The following NCOA1 variants were observed in gnomAD, a reference collection of about 807,000 sequenced individuals.
The protein encoded by NCOA1 is Hin-2 protein.
NCOA1 carries 35 observed loss-of-function variants against 150.9 expected under a neutral mutation model. That is an observed-to-expected ratio of 0.23 (90% CI 0.18 to 0.31). The LOEUF is 0.31. Ranked by LOEUF, NCOA1 falls within the 10% of genes least tolerant of loss-of-function variation. NCOA1 has a pLI of 1.00. For synonymous variants in NCOA1, 590 were observed against 630.0 expected (o/e 0.94, Z 0.95); for missense variants, 1,491 against 1,749.3 (o/e 0.85, Z 2.63).
chr2:24,721,314 T>A (rs908503554), intron 14 of NCOA1, among the ~76,000 whole-genome samples: 3 of 152,250 alleles, frequency 2.0e-5, no homozygotes, highest in African/African-American at 7.2e-5. Flanking sequence ...CTAACTCTTT[T>A]TTCTTCAACA....
At chr2:24,675,185 T>C (rs922728019) in intron 7 of NCOA1, among the ~76,000 whole-genome samples, 1 of 152,246 alleles carries the variant, frequency 6.6e-6, no homozygotes, top group Non-Finnish European at 1.5e-5. Context: ...ATATAACATA[T>C]ACACATATAT....
chr2:24,641,832 T>G (rs1272046429), intron 3 of NCOA1, among the ~76,000 whole-genome samples: 1 of 152,128 alleles, frequency 6.6e-6, no homozygotes, highest in Non-Finnish European at 1.5e-5. Flanking sequence ...TTGCCAGAGT[T>G]GGTTTCTCTA....
At chr2:24,765,013 C>G (rs1664976597) in intron 22 of NCOA1, among the ~76,000 whole-genome samples, 1 of 151,968 alleles carries the variant, frequency 6.6e-6, no homozygotes, top group African/African-American at 2.4e-5. Context: ...GAAACCCTGC[C>G]TAAAAATACA....
intron 3 of NCOA1, among the ~76,000 whole-genome samples, chr2:24,625,330 A>G (rs1424078023): frequency 7.1e-6 from 1 of 140,118 alleles, no homozygotes; most frequent in East Asian, 2.2e-4. Context: ...TGCACACTGT[A>G]CTCCAGCCTG....
intron 6 of NCOA1, 111 bp from the exon 7 acceptor site, chr2:24,673,255 A>C: frequency 1.6e-6 from 1 of 639,040 alleles, no homozygotes; most frequent in Non-Finnish European, 2.6e-6. Context: ...CTAGATACTG[A>C]CTAAATGTTA....
intron 8 of NCOA1, among the ~76,000 whole-genome samples, chr2:24,687,026 G>A (rs898939120): frequency 2.0e-5 from 3 of 151,744 alleles, no homozygotes; most frequent in South Asian, 2.1e-4. Flanking sequence ...TCAAGGAAGC[G>A]CCTTTCTCCT....
chr2:24,546,216 A>G (rs927289739), intron 1 of NCOA1, among the ~76,000 whole-genome samples: 1 of 152,202 alleles, frequency 6.6e-6, no homozygotes, highest in African/African-American at 2.4e-5. Context: ...TAAAAAAAAA[A>G]AAAAGCTCAC....
chr2:24,599,189 G>A (rs1318446339), intron 3 of NCOA1, among the ~76,000 whole-genome samples: 1 of 152,074 alleles, frequency 6.6e-6, no homozygotes, highest in Non-Finnish European at 1.5e-5. Context: ...ACCAAGATGG[G>A]CAAGTGGAAT....
At chr2:24,715,675 G>C (rs1673996544) in intron 14 of NCOA1, among the ~76,000 whole-genome samples, 1 of 152,114 alleles carries the variant, frequency 6.6e-6, no homozygotes, top group Non-Finnish European at 1.5e-5. Context: ...ATAAATTTTA[G>C]ATGGAATAAC....
Position 24,682,940 on chromosome 2 carries a change from T to C in NCOA1, c.355-11T>C. Reference sequence around the variant, plus strand: ...CAACCTCCAAACCATTTTTTTCTTTTGGTTTTGCAGGCTTTGGATGGATTT... The same window carrying C: ...CAACCTCCAAACCATTTTTTTCTTTCGGTTTTGCAGGCTTTGGATGGATTT... On this transcript the variant is annotated splice_polypyrimidine_tract_variant and intron_variant, in intron 7 of 22. Transcript: ENST00000348332. 6.3e-7 allele frequency: 1 copy of C among 1,575,572 alleles called. No individual in the cohort carries two copies. The highest frequency in any genetic ancestry group is 1.2e-5 in the South Asian group (1 of 83,054).
chr2:24,503,977 C>A (rs113963780), intron 1 of NCOA1, among the ~76,000 whole-genome samples: 1 of 152,042 alleles, frequency 6.6e-6, no homozygotes, highest in Non-Finnish European at 1.5e-5. Flanking sequence ...TCAGGTAATC[C>A]GCCTGCCTCA....
chr2:24,533,230 C>G (rs1664974884), intron 1 of NCOA1, among the ~76,000 whole-genome samples: 1 of 152,066 alleles, frequency 6.6e-6, no homozygotes, highest in South Asian at 2.1e-4. Flanking sequence ...AGTGGGAGTT[C>G]ACTCATGATT....
chr2:24,685,566 A>G (rs907825190), intron 8 of NCOA1, among the ~76,000 whole-genome samples: 1 of 152,226 alleles, frequency 6.6e-6, no homozygotes, highest in African/African-American at 2.4e-5. Context: ...TGGAGACACG[A>G]TAGTGCTTAA....
chr2:24,514,348 T>C (rs1216760939), intron 1 of NCOA1, among the ~76,000 whole-genome samples: 1 of 151,518 alleles, frequency 6.6e-6, no homozygotes, highest in African/African-American at 2.4e-5. Context: ...GCAAAATTTT[T>C]TTATCTCTGA....
chr2:24,602,269 C>G (rs1289678679), intron 3 of NCOA1, among the ~76,000 whole-genome samples: 3 of 152,138 alleles, frequency 2.0e-5, no homozygotes, highest in Non-Finnish European at 4.4e-5. Flanking sequence ...GGCGTAATCT[C>G]AGGTCACTGC....
chr2:24,744,019 G>GCGGT (rs1558333336), intron 19 of NCOA1, among the ~76,000 whole-genome samples: 1 of 152,158 alleles, frequency 6.6e-6, no homozygotes, highest in East Asian at 1.9e-4. Flanking sequence ...ACCTGGAAAG[G>GCGGT]CGGTCCTTCA....
intron 14 of NCOA1, among the ~76,000 whole-genome samples, chr2:24,716,123 G>A (rs1572633383): frequency 7.4e-6 from 1 of 134,432 alleles, no homozygotes. Context: ...CAGCCTGGGT[G>A]ACAGAGTGAG....
chr2:24,494,507 C>T (rs571635901), intron 1 of NCOA1, among the ~76,000 whole-genome samples: 1 of 152,120 alleles, frequency 6.6e-6, no homozygotes, highest in African/African-American at 2.4e-5. Context: ...ACGCACAACA[C>T]GGAGTAAAAT....
In NCOA1 at chr2:24,707,420, A is replaced by G. The variant is rs769781461; in HGVS notation, c.1950A>G (p.Ile650Met). The change falls in exon 13 of 23, where the codon ATA becomes ATG. Residue 650 changes from isoleucine to methionine, a missense_variant. Ile to Met is a conservative substitution (Grantham distance 10). Around this residue, in one of 8 missense-constraint regions of NCOA1, gnomAD observed 703 missense variants for 717.7 expected, o/e 0.98. Coordinates refer to ENST00000348332, the MANE Select transcript of NCOA1 (RefSeq NM_003743.5). ...AACAGCAGTTACGGCATGCTGATAT[A>G]GACACAAGCTGCAAAGATGTCCTGT... The part of the protein sequence containing the change: ...TAEQQLRHAD[I>M]DTSCKDVLSC... 2 of 1,614,232 alleles carry G rather than the reference A, an allele frequency of 1.2e-6. No homozygotes were observed. Among genetic ancestry groups the G allele is most frequent in the Non-Finnish European group, 1.7e-6 (2 of 1,180,038 alleles).
Sources: gnomAD v4.1 joint callset for allele counts (sites outside exome capture counted in the v4.1 genomes callset) on GRCh38, gnomAD v4.1.1 for gene constraint, gnomAD v4.1.1 regional missense constraint, MANE v1.5 for transcripts, NCBI Gene and HGNC (gene_info 2026-07-23, HGNC 2026-07-21) for gene names.